The following PIK3CB variants were observed in gnomAD, a reference collection of about 807,000 sequenced individuals.
The protein encoded by PIK3CB is phosphatidylinositol 4,5-bisphosphate 3-kinase catalytic subunit beta isoform.
In PIK3CB, 39 loss-of-function variants were observed where a neutral mutation model predicts 136.8. That is an observed-to-expected ratio of 0.29 (90% CI 0.22 to 0.37). The LOEUF (loss-of-function observed/expected upper bound fraction) is 0.37, where lower values mean the gene tolerates loss of function less well. Among genes scored for constraint, PIK3CB ranks in the 10% least tolerant of loss-of-function variants. PIK3CB has a pLI of 1.00. For synonymous variants in PIK3CB, 428 were observed against 436.6 expected (o/e 0.98, Z 0.25); for missense variants, 868 against 1,275.4 (o/e 0.68, Z 4.87).
intron 13 of PIK3CB, among the ~76,000 whole-genome samples, chr3:138,696,332 G>A (rs998147083): frequency 6.6e-6 from 1 of 151,710 alleles, no homozygotes; most frequent in Non-Finnish European, 1.5e-5. Context: ...ACAGGAACAC[G>A]CCACCATGCC....
chr3:138,773,699 A>G (rs2045826208), intron 2 of PIK3CB, among the ~76,000 whole-genome samples: 1 of 152,194 alleles, frequency 6.6e-6, no homozygotes, highest in African/African-American at 2.4e-5. Flanking sequence ...TCTAGTTTTT[A>G]GTCTACCTTC....
intron 2 of PIK3CB, among the ~76,000 whole-genome samples, chr3:138,775,497 C>T (rs1327085741): frequency 6.6e-6 from 1 of 152,090 alleles, no homozygotes; most frequent in African/African-American, 2.4e-5. Flanking sequence ...CCTCCCAGAG[C>T]CTCAACCAGA....
Position 138,765,509 on chromosome 3 carries a change from T to C in PIK3CB, c.-16-6150A>G, listed in dbSNP as rs187844218. ...TCAAAATATTTTACCAATACATAGA[T>C]AAAATGCCATATATATCTACATATC... On this transcript the variant is annotated intron_variant, in intron 2 of 23. Coordinates refer to ENST00000674063, the MANE Select transcript of PIK3CB (RefSeq NM_006219.3). 1.6e-4 allele frequency among the ~76,000 whole-genome samples: 24 copies of C among 152,076 alleles called. No homozygotes were observed. The East Asian group carries it at 4.6e-3, about 29-fold the overall frequency.
At chr3:138,720,624 TGGGAAG>T (rs1368754709) in intron 8 of PIK3CB, among the ~76,000 whole-genome samples, 1 of 152,160 alleles carries the variant, frequency 6.6e-6, no homozygotes, top group East Asian at 1.9e-4. Flanking sequence ...CCCAGCACTT[TGGGAAG>T]CCAAGGCAGG....
intron 1 of PIK3CB, among the ~76,000 whole-genome samples, chr3:138,801,241 TA>T (rs2046170955): frequency 6.6e-6 from 1 of 152,096 alleles, no homozygotes; most frequent in African/African-American, 2.4e-5. Flanking sequence ...GCAAGAGTAT[TA>T]TTTTTTAAAT....
chr3:138,834,359 T>A (rs1411840826), intron 1 of PIK3CB, among the ~76,000 whole-genome samples: 2 of 152,056 alleles, frequency 1.3e-5, no homozygotes, highest in African/African-American at 2.4e-5. Context: ...GGGGCGCGAG[T>A]ACGCCGTCTC....
At chr3:138,826,416 T>C in intron 1 of PIK3CB, 2 of 1,180,664 alleles carry the variant, frequency 1.7e-6, no homozygotes, top group South Asian at 2.7e-5. Context: ...GCCATTTAGG[T>C]TTAATAGTAA....
intron 3 of PIK3CB, among the ~76,000 whole-genome samples, chr3:138,757,748 G>A (rs1362807424): frequency 5.3e-5 from 8 of 151,630 alleles, no homozygotes; most frequent in Admixed American, 3.3e-4. Flanking sequence ...GAGGGAGCGA[G>A]GAGAAAATAG....
At chr3:138,757,478 A>AACACACACACACACAC (rs146470519) in intron 3 of PIK3CB, among the ~76,000 whole-genome samples, 1 of 136,374 alleles carries the variant, frequency 7.3e-6, no homozygotes, top group African/African-American at 2.8e-5. Context: ...GATACTATTA[A>AACACACACACACACAC]ACACACACAC....
chr3:138,676,249 A>G (rs1243319347), intron 19 of PIK3CB, among the ~76,000 whole-genome samples: 1 of 152,236 alleles, frequency 6.6e-6, no homozygotes, highest in African/African-American at 2.4e-5. Context: ...GAAAATGCAA[A>G]TTAAATCCAC....
chr3:138,825,713 G>A (rs2108915703), intron 1 of PIK3CB: 1 of 666,618 alleles, frequency 1.5e-6, no homozygotes, highest in Non-Finnish European at 2.7e-6. Context: ...TACAAAACTG[G>A]TGATATTGGT....
chr3:138,749,708 C>G (rs1342653673), intron 4 of PIK3CB, among the ~76,000 whole-genome samples: 2 of 152,142 alleles, frequency 1.3e-5, no homozygotes, highest in African/African-American at 2.4e-5. Context: ...CTCTCTTTAC[C>G]TGCCAAATTC....
chr3:138,784,375 CTG>C (rs1321311602), intron 2 of PIK3CB, among the ~76,000 whole-genome samples: 1 of 152,120 alleles, frequency 6.6e-6, no homozygotes, highest in Non-Finnish European at 1.5e-5. Context: ...GAGAGAGACT[CTG>C]TATCAAAAAA....
At chr3:138,656,336 C>T (rs2043191602) in intron 22 of PIK3CB, 62 bp from the exon 23 acceptor site, 1 of 1,554,398 alleles carries the variant, frequency 6.4e-7, no homozygotes, top group African/African-American at 1.4e-5. Context: ...ACATTTCATA[C>T]AGGAAATTAA....
intron 4 of PIK3CB, among the ~76,000 whole-genome samples, chr3:138,746,083 T>C (rs448808): frequency 0.58 from 88,565 of 151,686 alleles, 26,633 homozygotes; most frequent in East Asian, 0.98. Context: ...CTCATCTCTA[T>C]AAAAAATTAA....
intron 1 of PIK3CB, among the ~76,000 whole-genome samples, chr3:138,818,493 C>G (rs867314860): frequency 1.3e-5 from 2 of 152,184 alleles, no homozygotes; most frequent in Admixed American, 1.3e-4. Context: ...ATAAATTCCA[C>G]TTGGTCAAGC....
At chr3:138,786,270 G>C (rs1054061674) in intron 2 of PIK3CB, among the ~76,000 whole-genome samples, 1 of 152,106 alleles carries the variant, frequency 6.6e-6, no homozygotes, top group Non-Finnish European at 1.5e-5. Context: ...GTAGTCATGA[G>C]CTATATATAA....
At chr3:138,685,671 T>C (rs2043875058) in intron 16 of PIK3CB, among the ~76,000 whole-genome samples, 1 of 152,236 alleles carries the variant, frequency 6.6e-6, no homozygotes, top group South Asian at 2.1e-4. Flanking sequence ...CTAGAACGAA[T>C]TATTTTATAA....
chr3:138,783,094 T>C (rs2045939057), intron 2 of PIK3CB, among the ~76,000 whole-genome samples: 1 of 152,224 alleles, frequency 6.6e-6, no homozygotes, highest in South Asian at 2.1e-4. Flanking sequence ...TCACTCCTGC[T>C]GAAGCTCAAC....
Sources: gnomAD v4.1 joint callset for allele counts (sites outside exome capture counted in the v4.1 genomes callset) on GRCh38, gnomAD v4.1.1 for gene constraint, MANE v1.5 for transcripts, NCBI Gene and HGNC (gene_info 2026-07-23, HGNC 2026-07-21) for gene names.